Variants in MACROH2A2 observed in about 807,000 individuals in gnomAD.
MACROH2A2 encodes the protein macroH2A.2 histone.
A neutral mutation model predicts 37.6 loss-of-function variants in MACROH2A2; 6 were observed. The ratio of observed to expected loss-of-function variants is 0.16; its 90% CI spans 0.09 to 0.32. The LOEUF (loss-of-function observed/expected upper bound fraction) is 0.32, where lower values mean the gene tolerates loss of function less well. Ranked by LOEUF, MACROH2A2 falls within the 10% of genes least tolerant of loss-of-function variation. MACROH2A2 has a pLI of 1.00. For missense variants in MACROH2A2, 290 were observed against 485.9 expected (o/e 0.60, Z 3.79); for synonymous variants, 192 against 202.7 (o/e 0.95, Z 0.45).
chr10:70,079,371 A>C (rs1016695322), intron 2 of MACROH2A2, among the ~76,000 whole-genome samples: 2 of 151,836 alleles, frequency 1.3e-5, no homozygotes. Flanking sequence ...GGGGCGGGTG[A>C]ACTAGGGGAA....
chr10:70,109,590 G>A (rs1322672067), intron 8 of MACROH2A2, among the ~76,000 whole-genome samples: 1 of 152,230 alleles, frequency 6.6e-6, no homozygotes, highest in Non-Finnish European at 1.5e-5. Context: ...AAAACGCCAG[G>A]CTCGAAGGCC....
intron 2 of MACROH2A2, among the ~76,000 whole-genome samples, chr10:70,080,290 A>C (rs2072167956): frequency 6.6e-6 from 1 of 151,952 alleles, no homozygotes; most frequent in Non-Finnish European, 1.5e-5. Context: ...AAAAAAAAAA[A>C]AAAGAGTCTT....
At chr10:70,066,327 AAAAG>A (rs935861779) in intron 1 of MACROH2A2, among the ~76,000 whole-genome samples, 15 of 152,180 alleles carry the variant, frequency 9.9e-5, no homozygotes, top group African/African-American at 2.2e-4. Flanking sequence ...GACTCTCAAA[AAAAG>A]AAAGAAAGAA....
At chr10:70,065,033 T>C (rs201707982) in intron 1 of MACROH2A2, among the ~76,000 whole-genome samples, 6,118 of 150,506 alleles carry the variant, frequency 0.041, 386 homozygotes, top group East Asian at 0.23. Context: ...TTTTTTTTTT[T>C]CTTTTTTTTT....
chr10:70,063,864 C>T (rs922254420), intron 1 of MACROH2A2, among the ~76,000 whole-genome samples: 4 of 152,112 alleles, frequency 2.6e-5, no homozygotes, highest in Admixed American at 6.5e-5. Context: ...AACATATGCA[C>T]GTCACAGGGG....
Position 70,111,587 on chromosome 10 carries a change from G to A in MACROH2A2, c.1023G>A (p.Ser341=), listed in dbSNP as rs116143897. The change falls in exon 9 of 9, where the codon TCG becomes TCA. Residue 341 remains serine, a synonymous_variant. Coordinates refer to ENST00000373255, the MANE Select transcript of MACROH2A2 (RefSeq NM_018649.3). ...CCATCTCAGCCCACTTTGATGACTC[G>A]AGCGCGTCCTCGCTGAAGAACGTGT... is the stretch of plus-strand genomic sequence containing the variant. ...LKAISAHFDD[S]SASSLKNVYF... is the part of the protein sequence containing the mutation. The A allele has an allele frequency of 3.0e-4, 479 of 1,613,802 alleles. No individual in the cohort carries two copies. The African/African-American group carries it at 5.7e-3, about 19-fold the overall frequency.
chr10:70,076,750 A>G (rs993809834), intron 2 of MACROH2A2, among the ~76,000 whole-genome samples: 4 of 152,062 alleles, frequency 2.6e-5, no homozygotes, highest in Non-Finnish European at 5.9e-5. Context: ...ATGGTCTAAC[A>G]CTGGGGAGGC....
chr10:70,075,547 C>T lies in MACROH2A2; in HGVS notation c.-59-53C>T. The T allele has an allele frequency of 9.5e-7, 1 of 1,053,574 alleles. No individual in the cohort carries two copies. Among genetic ancestry groups the T allele is most frequent in the Non-Finnish European group, 1.4e-6 (1 of 696,028 alleles). The allele number at this position is 1,053,574 out of a possible 1,614,324, so 65.3% of individuals were successfully genotyped here. A position where few individuals can be genotyped will look rare whatever the true frequency, so the allele number is the denominator to read the frequency against. ...GGTGCCCAAGGGCCATGCCACTGTG[C>T]CCAAGATGTTTGCCAACTACCCTTC... On this transcript the variant is annotated intron_variant, in intron 1 of 8. Coordinates refer to ENST00000373255, the MANE Select transcript of MACROH2A2 (RefSeq NM_018649.3). This position sits in a 1 kb window ranked among gnomAD's most constrained non-coding sequence, Gnocchi z 5.0.
intron 2 of MACROH2A2, among the ~76,000 whole-genome samples, chr10:70,076,734 C>T (rs535287979): frequency 1.3e-5 from 2 of 152,210 alleles, no homozygotes; most frequent in African/African-American, 4.8e-5. Flanking sequence ...AAGCAAACCT[C>T]CCCAGATGGT....
Position 70,064,365 on chromosome 10 carries a change from A to T in MACROH2A2, c.-59-11235A>T, listed in dbSNP as rs571257372. ...AACCTGGGTGACAGAACAAGACTCC[A>T]TCTAAAAAAAGATTAAAAAACTACA... On this transcript the variant is annotated intron_variant, in intron 1 of 8. Transcript: ENST00000373255. 2.6e-5 allele frequency among the ~76,000 whole-genome samples: 4 copies of T among 152,312 alleles called. No individual in the cohort carries two copies. The East Asian group carries it at 5.8e-4, about 22-fold the overall frequency.
At chr10:70,093,637 A>G (rs1194911116) in intron 4 of MACROH2A2, 98 bp from the exon 5 acceptor site, 1 of 664,552 alleles carries the variant, frequency 1.5e-6, no homozygotes, top group Non-Finnish European at 2.7e-6. Context: ...ACTTCCTTTC[A>G]TATTCAACTT....
intron 2 of MACROH2A2, among the ~76,000 whole-genome samples, chr10:70,079,532 T>G: frequency 6.7e-6 from 1 of 149,072 alleles, no homozygotes; most frequent in Non-Finnish European, 1.5e-5. Flanking sequence ...TGACGGCCCT[T>G]GAAGGCCACG....
intron 7 of MACROH2A2, among the ~76,000 whole-genome samples, chr10:70,106,070 C>T (rs554213195): frequency 1.0e-3 from 156 of 152,264 alleles, no homozygotes; most frequent in Non-Finnish European, 1.8e-3. Flanking sequence ...CACAGTGTCA[C>T]GGAAACCAGG....
At chr10:70,069,769 A>G (rs928563329) in intron 1 of MACROH2A2, among the ~76,000 whole-genome samples, 15 of 152,256 alleles carry the variant, frequency 9.9e-5, no homozygotes, top group South Asian at 4.2e-4. Context: ...CTTTTTAGAC[A>G]GTAGGCCTAC....
At chr10:70,081,677 G>A (rs2072177355) in intron 2 of MACROH2A2, among the ~76,000 whole-genome samples, 1 of 152,154 alleles carries the variant, frequency 6.6e-6, no homozygotes, top group South Asian at 2.1e-4. Flanking sequence ...AAACCACAGT[G>A]AGTTGAGAAG....
At chr10:70,106,717 C>T (rs2072339932) in intron 7 of MACROH2A2, among the ~76,000 whole-genome samples, 1 of 149,614 alleles carries the variant, frequency 6.7e-6, no homozygotes, top group Admixed American at 6.7e-5. Flanking sequence ...AGAATCGAAT[C>T]GCTTGAACCC....
chr10:70,101,080 G>A (rs10999136), intron 7 of MACROH2A2, among the ~76,000 whole-genome samples: 8,912 of 152,154 alleles, frequency 0.059, 270 homozygotes, highest in African/African-American at 0.069. Flanking sequence ...AAAGTCCAGC[G>A]GAGTCAAAGG....
chr10:70,109,217 A>G lies in MACROH2A2; in HGVS notation c.953+10A>G, dbSNP rs367995342. ...CTTTCCCCAGCGGCAGGTAAGATGCAGTTCCCCTGAGTTGATTCCTCCGGC... is the reference window on the plus strand; with the variant it reads ...CTTTCCCCAGCGGCAGGTAAGATGCGGTTCCCCTGAGTTGATTCCTCCGGC... On this transcript the variant is annotated intron_variant, in intron 8 of 8. Transcript: ENST00000373255. 5.8e-5 allele frequency: 93 copies of G among 1,608,512 alleles called. No individual in the cohort carries two copies. Among genetic ancestry groups the G allele is most frequent in the Non-Finnish European group, 7.5e-5 (88 of 1,175,726 alleles).
intron 7 of MACROH2A2, among the ~76,000 whole-genome samples, chr10:70,104,224 A>G (rs2072323404): frequency 6.6e-6 from 1 of 152,184 alleles, no homozygotes; most frequent in African/African-American, 2.4e-5. Flanking sequence ...AAGAAAAAAT[A>G]AATTTCCAAA....
Sources: gnomAD v4.1 joint callset for allele counts (sites outside exome capture counted in the v4.1 genomes callset) on GRCh38, gnomAD v4.1.1 for gene constraint, Gnocchi (gnomAD v3.1) non-coding constraint, MANE v1.5 for transcripts, NCBI Gene and HGNC (gene_info 2026-07-23, HGNC 2026-07-21) for gene names.